CSMD1: variants seen among roughly 807,000 people sequenced by gnomAD.
The protein encoded by CSMD1 is CUB and sushi domain-containing protein 1.
CSMD1 carries 213 observed loss-of-function variants against 417.5 expected under a neutral mutation model. The ratio of observed to expected loss-of-function variants is 0.51; its 90% CI spans 0.46 to 0.57. The LOEUF is 0.57. Ranked by LOEUF, CSMD1 falls within the 20% of genes least tolerant of loss-of-function variation. The pLI, the probability that CSMD1 is intolerant of heterozygous loss-of-function variation, is 0.00. For missense variants in CSMD1, 6,923 were observed against 4,529.7 expected (o/e 1.53, Z -15.17); for synonymous variants, 2,862 against 1,736.8 (o/e 1.65, Z -16.11).
At chr8:4,228,050 C>T (rs1368542516) in intron 3 of CSMD1, among the ~76,000 whole-genome samples, 1 of 151,996 alleles carries the variant, frequency 6.6e-6, no homozygotes, top group Non-Finnish European at 1.5e-5. Context: ...CACCAGGAAG[C>T]ACGCCCTCTA....
At chr8:3,866,019 G>A (rs547374854) in intron 5 of CSMD1, among the ~76,000 whole-genome samples, 11 of 152,042 alleles carry the variant, frequency 7.2e-5, no homozygotes, top group South Asian at 4.2e-4. Flanking sequence ...GAGATAAATC[G>A]CCACCAGAAA....
intron 1 of CSMD1, among the ~76,000 whole-genome samples, chr8:4,784,339 G>A (rs766031173): frequency 2.0e-5 from 3 of 152,170 alleles, no homozygotes; most frequent in Non-Finnish European, 2.9e-5. Context: ...ATTCTGTCTA[G>A]GAAAATTCCC....
intron 18 of CSMD1, among the ~76,000 whole-genome samples, chr8:3,372,483 A>T (rs1585068642): frequency 6.6e-6 from 1 of 152,090 alleles, no homozygotes; most frequent in Non-Finnish European, 1.5e-5. Flanking sequence ...GGTGGTCAGG[A>T]CCCCGAACCA....
At chr8:4,570,129 T>C (rs1008009610) in intron 2 of CSMD1, among the ~76,000 whole-genome samples, 2 of 152,192 alleles carry the variant, frequency 1.3e-5, no homozygotes, top group Non-Finnish European at 2.9e-5. Context: ...ATACTCTTTC[T>C]TTCTTTCTCT....
chr8:3,232,372 G>C (rs868821130), intron 26 of CSMD1, among the ~76,000 whole-genome samples: 10 of 152,040 alleles, frequency 6.6e-5, no homozygotes, highest in African/African-American at 2.2e-4. Flanking sequence ...TCTCCCCCTT[G>C]CTTGTATTAT....
Position 4,142,076 on chromosome 8 carries a change from T to C in CSMD1, c.416-109977A>G, listed in dbSNP as rs558812648. ...ATATATAAGTTGAAAAAAAAATAAC[T>C]CCATACTGGAACATTCCCTAATGTT... On this transcript the variant is annotated intron_variant, in intron 3 of 69. Transcript: ENST00000635120. Among the ~76,000 whole-genome samples the C allele has an allele frequency of 2.1e-4, 29 of 137,592 alleles. No homozygotes were observed. In the East Asian group the frequency reaches 5.9e-3, roughly 28 times the overall value. 90.3% of individuals were successfully genotyped at this position (137,592 alleles called of 152,430 possible).
At chr8:3,497,025 TA>T (rs1796394207) in intron 10 of CSMD1, among the ~76,000 whole-genome samples, 1 of 152,198 alleles carries the variant, frequency 6.6e-6, no homozygotes, top group Non-Finnish European at 1.5e-5. Context: ...TTTAGATTTT[TA>T]AAAAATTTGT....
At chr8:3,628,076 T>C (rs1796584235) in intron 7 of CSMD1, among the ~76,000 whole-genome samples, 1 of 152,184 alleles carries the variant, frequency 6.6e-6, no homozygotes, top group African/African-American at 2.4e-5. Context: ...TGTAATTCTA[T>C]TTTTTTAAAT....
At chr8:3,445,559 T>C (rs1365922808) in intron 12 of CSMD1, among the ~76,000 whole-genome samples, 3 of 152,232 alleles carry the variant, frequency 2.0e-5, no homozygotes, top group Middle Eastern at 3.4e-3. Context: ...AACAGACTTC[T>C]TATGAAAGTG....
intron 1 of CSMD1, among the ~76,000 whole-genome samples, chr8:4,979,467 T>C (rs1810754334): frequency 6.6e-6 from 1 of 152,210 alleles, no homozygotes; most frequent in Non-Finnish European, 1.5e-5. Context: ...CAAAGGTACC[T>C]TTAGAACACT....
intron 3 of CSMD1, among the ~76,000 whole-genome samples, chr8:4,101,951 G>C (rs1460601029): frequency 6.6e-6 from 1 of 152,284 alleles, no homozygotes; most frequent in East Asian, 1.9e-4. Context: ...GCTTCTAATA[G>C]AGAAAGGAGG....
intron 11 of CSMD1, among the ~76,000 whole-genome samples, chr8:3,477,137 C>A (rs1167909475): frequency 1.3e-5 from 2 of 152,056 alleles, no homozygotes; most frequent in Non-Finnish European, 2.9e-5. Context: ...TTTGTTCAGA[C>A]CTGAAGAAAA....
chr8:4,891,470 C>A (rs1469310649), intron 1 of CSMD1, among the ~76,000 whole-genome samples: 1 of 152,194 alleles, frequency 6.6e-6, no homozygotes, highest in East Asian at 1.9e-4. Flanking sequence ...CAATGTTTTT[C>A]TTAATTTGAA....
chr8:4,940,082 G>C (rs897592958), intron 1 of CSMD1, among the ~76,000 whole-genome samples: 2 of 152,146 alleles, frequency 1.3e-5, no homozygotes, highest in Non-Finnish European at 2.9e-5. Flanking sequence ...GGGCAGAAAA[G>C]TTGCATGTGA....
chr8:3,558,180 T>G (rs898965444), intron 10 of CSMD1, among the ~76,000 whole-genome samples: 1 of 149,466 alleles, frequency 6.7e-6, no homozygotes, highest in Non-Finnish European at 1.5e-5. Flanking sequence ...CCGTGTCCAC[T>G]CCTCCAATGA....
chr8:4,318,468 G>A (rs1424365949), intron 3 of CSMD1, among the ~76,000 whole-genome samples: 1 of 152,062 alleles, frequency 6.6e-6, no homozygotes, highest in African/African-American at 2.4e-5. Flanking sequence ...TCATTAGCAA[G>A]TAATGAAACA....
intron 5 of CSMD1, among the ~76,000 whole-genome samples, chr8:3,781,959 G>T (rs1035838347): frequency 1.3e-5 from 2 of 152,068 alleles, no homozygotes; most frequent in Non-Finnish European, 2.9e-5. Context: ...ATTAAAAAAG[G>T]AGTATGTGGT....
At chr8:4,277,087 G>C (rs116094758) in intron 3 of CSMD1, among the ~76,000 whole-genome samples, 1 of 152,008 alleles carries the variant, frequency 6.6e-6, no homozygotes, top group Non-Finnish European at 1.5e-5. Flanking sequence ...TTATAAAATT[G>C]CATGTAACTT....
At chr8:3,050,257 G>T (rs1219716886) in intron 50 of CSMD1, among the ~76,000 whole-genome samples, 1 of 152,058 alleles carries the variant, frequency 6.6e-6, no homozygotes, top group African/African-American at 2.4e-5. Flanking sequence ...TTATAAAAGG[G>T]GTATAGGATT....
Sources: gnomAD v4.1 joint callset for allele counts (sites outside exome capture counted in the v4.1 genomes callset) on GRCh38, gnomAD v4.1.1 for gene constraint, MANE v1.5 for transcripts, NCBI Gene and HGNC (gene_info 2026-07-23, HGNC 2026-07-21) for gene names.